FAM163A: variants seen among roughly 807,000 people sequenced by gnomAD.
FAM163A encodes the protein family with sequence similarity 163 member A, also known as protein FAM163A.
In FAM163A, 7 loss-of-function variants were observed where a neutral mutation model predicts 12.0. The ratio of observed to expected loss-of-function variants is 0.58; its 90% CI spans 0.33 to 1.10. The LOEUF (loss-of-function observed/expected upper bound fraction) is 1.10, where lower values mean the gene tolerates loss of function less well. Ranked by LOEUF, FAM163A falls within the 50% of genes least tolerant of loss-of-function variation. The probability of loss-of-function intolerance (pLI) is 0.03; values close to 1 mark genes in which losing one functional copy is unlikely to be tolerated. For missense variants in FAM163A, 202 were observed against 218.6 expected (o/e 0.92, Z 0.48); for synonymous variants, 101 against 91.0 (o/e 1.11, Z -0.62).
intron 1 of FAM163A, among the ~76,000 whole-genome samples, chr1:179,781,335 A>G (rs1294180469): frequency 1.3e-5 from 2 of 152,130 alleles, no homozygotes; most frequent in Admixed American, 1.3e-4. Context: ...ATATTTTTAA[A>G]ACCCACTGGT....
chr1:179,768,940 G>A (rs925278123), intron 1 of FAM163A, among the ~76,000 whole-genome samples: 2 of 151,994 alleles, frequency 1.3e-5, no homozygotes, highest in African/African-American at 4.8e-5. Flanking sequence ...AGGAATTATT[G>A]TTCATTTGTT....
At chr1:179,746,851 T>G (rs976014202) in intron 1 of FAM163A, among the ~76,000 whole-genome samples, 3 of 152,190 alleles carry the variant, frequency 2.0e-5, no homozygotes, top group African/African-American at 4.8e-5. Flanking sequence ...ATCTGGGCCA[T>G]CCAGTATTCC....
In FAM163A at chr1:179,759,086, G is replaced by A. The variant is rs139603236; in HGVS notation, c.-136+15663G>A. 5.1e-3 allele frequency among the ~76,000 whole-genome samples: 780 copies of A among 152,324 alleles called. 1 individual carries two copies. Among genetic ancestry groups the A allele is most frequent in the African/African-American group, 0.018 (745 of 41,570 alleles). On this transcript the variant is annotated intron_variant, in intron 1 of 4. Coordinates refer to ENST00000341785, the MANE Select transcript of FAM163A (RefSeq NM_173509.3). The stretch of plus-strand genomic sequence containing the variant: ...CACCTGCCTTTGCAGAATGTATAGT[G>A]TAGAGTAGGGTTTCTCAATCTTGTC...
At chr1:179,740,910 G>A (rs980804215), upstream of FAM163A, among the ~76,000 whole-genome samples, 5 of 152,032 alleles carry the variant, frequency 3.3e-5, no homozygotes, top group Non-Finnish European at 7.4e-5. Flanking sequence ...AAGGGTACTT[G>A]CAATCTCTCT....
chr1:179,728,153 CTTAATA>C, the FAM163A span, among the ~76,000 whole-genome samples: 1 of 152,102 alleles, frequency 6.6e-6, no homozygotes, highest in Admixed American at 6.6e-5. Flanking sequence ...CATCCCTATT[CTTAATA>C]TTATGTTTCC....
chr1:179,758,619 C>T (rs1686362591), intron 1 of FAM163A, among the ~76,000 whole-genome samples: 1 of 152,246 alleles, frequency 6.6e-6, no homozygotes, highest in South Asian at 2.1e-4. Flanking sequence ...TTTCCTTCTT[C>T]CACTCCCTAG....
the FAM163A span, among the ~76,000 whole-genome samples, chr1:179,736,591 C>G: frequency 6.6e-6 from 1 of 151,988 alleles, no homozygotes; most frequent in East Asian, 1.9e-4. Flanking sequence ...GGGTGGATCA[C>G]GAAGTCAGGA....
chr1:179,788,023 A>G (rs1690901891), intron 1 of FAM163A, among the ~76,000 whole-genome samples: 1 of 152,168 alleles, frequency 6.6e-6, no homozygotes. Context: ...AAGTTAATAT[A>G]TGGGCTTTGT....
chr1:179,795,184 A>G (rs2148275660), intron 1 of FAM163A, among the ~76,000 whole-genome samples: 4 of 152,356 alleles, frequency 2.6e-5, no homozygotes, highest in African/African-American at 9.6e-5. Flanking sequence ...ATTATAAAAC[A>G]GCCGGGCATG....
chr1:179,768,131 G>T (rs1687758275), intron 1 of FAM163A, among the ~76,000 whole-genome samples: 1 of 152,128 alleles, frequency 6.6e-6, no homozygotes, highest in South Asian at 2.1e-4. Flanking sequence ...ATTTCATTTA[G>T]CATAATGTCT....
intron 1 of FAM163A, among the ~76,000 whole-genome samples, chr1:179,807,185 T>C (rs2148349077): frequency 6.6e-6 from 1 of 152,040 alleles, no homozygotes; most frequent in Admixed American, 6.5e-5. Flanking sequence ...AAAATTAGCC[T>C]ACCCTGGATT....
chr1:179,735,512 T>C, the FAM163A span, among the ~76,000 whole-genome samples: 1 of 137,838 alleles, frequency 7.3e-6, no homozygotes, highest in Non-Finnish European at 1.6e-5. Flanking sequence ...TTTTTTTTTT[T>C]TTTTTTTTTG....
chr1:179,744,471 G>A (rs1684156707), intron 1 of FAM163A, among the ~76,000 whole-genome samples: 1 of 152,294 alleles, frequency 6.6e-6, no homozygotes, highest in East Asian at 1.9e-4. Flanking sequence ...CCCTGGGTGG[G>A]TGGCATCCTG....
At chr1:179,800,720 T>C (rs116208735) in intron 1 of FAM163A, among the ~76,000 whole-genome samples, 2,239 of 152,070 alleles carry the variant, frequency 0.015, 27 homozygotes, top group African/African-American at 0.035. Flanking sequence ...CAGTAAGTAG[T>C]AGATGAAGGA....
rs578212258 is a variant in FAM163A at position 179,781,349 on chromosome 1, T to G, written c.-135-26449T>G. ...AATATTTTTAAAACCCACTGGTTTA[T>G]GTGGAGGCATGATTCCACTTCTCTC... On this transcript the variant is annotated intron_variant, in intron 1 of 4. Coordinates refer to ENST00000341785, the MANE Select transcript of FAM163A (RefSeq NM_173509.3). 2.6e-5 allele frequency among the ~76,000 whole-genome samples: 4 copies of G among 152,280 alleles called. No homozygotes were observed. In the South Asian group the frequency reaches 8.3e-4, roughly 32 times the overall value.
At chr1:179,763,020 G>T (rs1405046529) in intron 1 of FAM163A, among the ~76,000 whole-genome samples, 1 of 152,124 alleles carries the variant, frequency 6.6e-6, no homozygotes. Flanking sequence ...GATACTTAGG[G>T]AAAAAATAAG....
chr1:179,801,171 TGAG>T (rs1298569491), intron 1 of FAM163A, among the ~76,000 whole-genome samples: 2 of 152,156 alleles, frequency 1.3e-5, no homozygotes, highest in Non-Finnish European at 2.9e-5. Flanking sequence ...TCACTCACAT[TGAG>T]GAGACACCAA....
At chr1:179,773,919 G>A (rs958561909) in intron 1 of FAM163A, among the ~76,000 whole-genome samples, 1 of 152,224 alleles carries the variant, frequency 6.6e-6, no homozygotes, top group South Asian at 2.1e-4. Context: ...GAATGAAAAT[G>A]ACTTTGTCTA....
chr1:179,769,554 T>C (rs1286689369), intron 1 of FAM163A, among the ~76,000 whole-genome samples: 1 of 152,238 alleles, frequency 6.6e-6, no homozygotes. Flanking sequence ...GGAGGAGTTT[T>C]GACTATTATC....
Sources: allele counts gnomAD v4.1 joint callset (sites outside exome capture counted in the v4.1 genomes callset), GRCh38; gene constraint gnomAD v4.1.1; transcripts MANE v1.5; gene names NCBI Gene and HGNC (gene_info 2026-07-23, HGNC 2026-07-21).